Variants in MAP3K20 observed in about 807,000 individuals in gnomAD.
MAP3K20 encodes the protein HCCS-4.
Under a neutral mutation model 85.7 loss-of-function variants are expected in MAP3K20, and 40 were observed. That is an observed-to-expected ratio of 0.47 (90% CI 0.36 to 0.61). The LOEUF (loss-of-function observed/expected upper bound fraction) is 0.61. Among genes scored for constraint, MAP3K20 ranks in the 20% least tolerant of loss-of-function variants. The probability of loss-of-function intolerance (pLI) is 0.00; values close to 1 mark genes in which losing one functional copy is unlikely to be tolerated. For synonymous variants in MAP3K20, 325 were observed against 327.7 expected (o/e 0.99, Z 0.09); for missense variants, 817 against 961.7 (o/e 0.85, Z 1.99).
At chr2:173,079,380 G>A (rs1393017252) in intron 1 of MAP3K20, among the ~76,000 whole-genome samples, 3 of 152,120 alleles carry the variant, frequency 2.0e-5, no homozygotes, top group Non-Finnish European at 4.4e-5. Flanking sequence ...TGAGTGGTGA[G>A]GGAATGTGAA....
chr2:173,090,862 T>A, intron 1 of MAP3K20, 136 bp from the exon 2 acceptor site: 1 of 1,356,132 alleles, frequency 7.4e-7, no homozygotes, highest in South Asian at 2.0e-5. Context: ...ATAATCTTGC[T>A]TTTCTTCTTC....
At chr2:173,218,876 GT>G (rs1470477523) in intron 11 of MAP3K20, among the ~76,000 whole-genome samples, 1 of 152,160 alleles carries the variant, frequency 6.6e-6, no homozygotes, top group African/African-American at 2.4e-5. Flanking sequence ...ATAAGGCTCT[GT>G]GTGCTCGGTA....
intron 2 of MAP3K20, among the ~76,000 whole-genome samples, chr2:173,112,801 G>A (rs903250839): frequency 2.0e-5 from 3 of 148,810 alleles, no homozygotes; most frequent in Non-Finnish European, 4.4e-5. Flanking sequence ...TTGATATGTT[G>A]TTGGATTTTT....
intron 17 of MAP3K20, among the ~76,000 whole-genome samples, chr2:173,259,909 G>C (rs1052504029): frequency 9.2e-5 from 14 of 152,192 alleles, no homozygotes; most frequent in African/African-American, 3.1e-4. Flanking sequence ...CTGAATATAA[G>C]TGTTTCTGCT....
chr2:173,183,772 C>T (rs1334857698), intron 4 of MAP3K20, among the ~76,000 whole-genome samples: 2 of 152,128 alleles, frequency 1.3e-5, no homozygotes, highest in Non-Finnish European at 2.9e-5. Flanking sequence ...CTACATTTTA[C>T]TACTCCATTC....
At chr2:173,090,366 C>A (rs1323907515) in intron 1 of MAP3K20, among the ~76,000 whole-genome samples, 1 of 152,152 alleles carries the variant, frequency 6.6e-6, no homozygotes, top group Non-Finnish European at 1.5e-5. Context: ...ATATTGTAAT[C>A]AAGGGCAAAT....
intron 4 of MAP3K20, among the ~76,000 whole-genome samples, chr2:173,183,835 G>A (rs1690403550): frequency 6.6e-6 from 1 of 152,148 alleles, no homozygotes; most frequent in Non-Finnish European, 1.5e-5. Context: ...CACTCAGTAA[G>A]GGGAGCAACT....
intron 9 of MAP3K20, among the ~76,000 whole-genome samples, chr2:173,204,874 C>T (rs1444014997): frequency 6.6e-6 from 1 of 152,104 alleles, no homozygotes; most frequent in Non-Finnish European, 1.5e-5. Context: ...GAGGCAGAGG[C>T]AGGCGGATCA....
At chr2:173,146,620 T>G (rs1490746846) in intron 2 of MAP3K20, among the ~76,000 whole-genome samples, 1 of 152,222 alleles carries the variant, frequency 6.6e-6, no homozygotes, top group East Asian at 1.9e-4. Flanking sequence ...TCCAGAGATC[T>G]GCCTATTCTG....
At chr2:173,255,717 C>T (rs1459830789) in intron 16 of MAP3K20, among the ~76,000 whole-genome samples, 3 of 152,192 alleles carry the variant, frequency 2.0e-5, no homozygotes, top group African/African-American at 4.8e-5. Flanking sequence ...GAAGTTCAGG[C>T]GTTTTCACAC....
chr2:173,182,548 T>C (rs974851458), intron 3 of MAP3K20, among the ~76,000 whole-genome samples: 2 of 152,350 alleles, frequency 1.3e-5, no homozygotes, highest in Non-Finnish European at 1.5e-5. Context: ...AAGAAATACC[T>C]ATTTATATAC....
chr2:173,188,947 G>A lies in MAP3K20; in HGVS notation c.415+1324G>A, dbSNP rs1690570893. Among the ~76,000 whole-genome samples the A allele has an allele frequency of 2.0e-5, 3 of 152,100 alleles. No homozygotes were observed. The South Asian group carries it at 6.2e-4, about 32-fold the overall frequency. ...TATATCTTAAATCTTCTACAAAAGA[G>A]GAATGATTAACTAAATTATGGATTT... On this transcript the variant is annotated intron_variant, in intron 5 of 19. Coordinates refer to ENST00000375213, the MANE Select transcript of MAP3K20 (RefSeq NM_016653.3).
intron 16 of MAP3K20, among the ~76,000 whole-genome samples, chr2:173,248,355 T>C (rs568533953): frequency 6.6e-6 from 1 of 152,342 alleles, no homozygotes; most frequent in African/African-American, 2.4e-5. Context: ...ACTCATCAGG[T>C]TATATACATT....
chr2:173,190,821 A>G (rs1690624627), intron 5 of MAP3K20, 74 bp from the exon 6 acceptor site: 10 of 1,294,900 alleles, frequency 7.7e-6, no homozygotes, highest in African/African-American at 1.5e-5. Context: ...ATAGAAGTTT[A>G]TGGTTTTTTT....
chr2:173,102,400 C>A (rs1471511983), intron 2 of MAP3K20, among the ~76,000 whole-genome samples: 1 of 152,074 alleles, frequency 6.6e-6, no homozygotes, highest in Admixed American at 6.5e-5. Context: ...GTTTTCCTGG[C>A]CGTGGTTCTT....
chr2:173,241,857 T>C (rs532023552), intron 16 of MAP3K20, among the ~76,000 whole-genome samples: 3 of 152,288 alleles, frequency 2.0e-5, no homozygotes, highest in East Asian at 1.9e-4. Context: ...AATAGTTTTC[T>C]CTCTGTGAAT....
At chr2:173,133,070 AG>A (rs757711083) in intron 2 of MAP3K20, among the ~76,000 whole-genome samples, 12 of 152,242 alleles carry the variant, frequency 7.9e-5, no homozygotes, top group Non-Finnish European at 1.6e-4. Context: ...TATAAAATTT[AG>A]GGAGTCATCT....
At chr2:173,173,194 GTGTC>G (rs769789282) in intron 3 of MAP3K20, among the ~76,000 whole-genome samples, 16,573 of 122,250 alleles carry the variant, frequency 0.14, 1,204 homozygotes, top group South Asian at 0.28. Flanking sequence ...GTGTGTGTGT[GTGTC>G]TGTGTAAAAC....
chr2:173,221,764 C>T (rs16861363), intron 11 of MAP3K20: 257,660 of 1,206,128 alleles, frequency 0.21, 28,528 homozygotes, highest in South Asian at 0.32. Flanking sequence ...AATGTGGTGC[C>T]TGATTATAGA....
Sources: allele counts gnomAD v4.1 joint callset (sites outside exome capture counted in the v4.1 genomes callset), GRCh38; gene constraint gnomAD v4.1.1; transcripts MANE v1.5; gene names NCBI Gene and HGNC (gene_info 2026-07-23, HGNC 2026-07-21).